GAB3: variants seen among roughly 807,000 people sequenced by gnomAD.
GAB3 encodes the protein GRB2-associated-binding protein 3.
Under a neutral mutation model 40.4 loss-of-function variants are expected in GAB3, and 12 were observed. The ratio of observed to expected loss-of-function variants is 0.30; its 90% confidence interval spans 0.19 to 0.48. The LOEUF (loss-of-function observed/expected upper bound fraction) is 0.48, where lower values mean the gene tolerates loss of function less well. Among genes scored for constraint, GAB3 ranks in the 20% least tolerant of loss-of-function variants. The probability of loss-of-function intolerance (pLI) is 0.99; values close to 1 mark genes in which losing one functional copy is unlikely to be tolerated. For missense variants in GAB3, 381 were observed against 461.9 expected (o/e 0.82, Z 1.61); for synonymous variants, 154 against 176.7 (o/e 0.87, Z 1.02).
chrX:154,696,298 C>CAAAAA (rs35105330), intron 7 of GAB3, among the ~76,000 whole-genome samples: 2 of 40,136 alleles, frequency 5.0e-5, no homozygotes, highest in African/African-American at 9.6e-5. Context: ...TATCATTTAG[C>CAAAAA]AAAAAAAAAA....
chrX:154,683,122 C>T lies in GAB3; in HGVS notation c.1531-2874G>A, dbSNP rs782696947. Among the ~76,000 whole-genome samples, 8 of 112,350 alleles carry T rather than the reference C, an allele frequency of 7.1e-5. No individual in the cohort carries two copies. The South Asian group carries it at 1.8e-3, about 26-fold the overall frequency. ...AATCACTGACTGTTGCTTATACTTA[C>T]GAGCGAAAGACCAAAAAGCTAACGT... On this transcript the variant is annotated intron_variant, in intron 8 of 9. Transcript: ENST00000424127.
Position 154,712,419 on chromosome X carries a change from G to C in GAB3, c.879C>G (p.Ser293=), listed in dbSNP as rs2070965308. The C allele has an allele frequency of 8.3e-7, 1 of 1,209,783 alleles. No individual in the cohort carries two copies. The change falls in exon 4 of 10, where the codon TCC becomes TCG. Residue 293 remains serine (S), a synonymous_variant. Coordinates refer to ENST00000424127, the MANE Select transcript of GAB3 (RefSeq NM_001081573.3). ...CTAGTTCTTTTGCTCCACAGGGTAA[G>C]GAACCTTGATTTTTATCTACCTGAA... ...STIQVDKNQG[S]LPCGAKELDI...
At chrX:154,697,745 A>C (rs1326618007) in intron 6 of GAB3, among the ~76,000 whole-genome samples, 1 of 111,929 alleles carries the variant, frequency 8.9e-6, no homozygotes, top group Non-Finnish European at 1.9e-5. Context: ...CTTACCCTTC[A>C]CAGCACAGCC....
chrX:154,741,459 C>T (rs978205126), intron 1 of GAB3, among the ~76,000 whole-genome samples: 2 of 110,084 alleles, frequency 1.8e-5, no homozygotes, highest in Non-Finnish European at 3.8e-5. Context: ...GGGTGGATCA[C>T]GAGGTCAGGA....
upstream of GAB3, chrX:154,751,083 C>A: frequency 3.9e-6 from 3 of 768,017 alleles, no homozygotes; most frequent in South Asian, 6.3e-5. Context: ...AGAAGGAAGT[C>A]GGGCCAAGGA....
At chrX:154,704,358 A>C (rs1284732170) in intron 4 of GAB3, among the ~76,000 whole-genome samples, 1 of 111,487 alleles carries the variant, frequency 9.0e-6, no homozygotes, top group African/African-American at 3.3e-5. Flanking sequence ...GGGTGACTAT[A>C]GTCAATAATA....
chrX:154,689,434 G>A (rs2070515637), intron 8 of GAB3, among the ~76,000 whole-genome samples: 1 of 111,490 alleles, frequency 9.0e-6, no homozygotes. Flanking sequence ...GGCAGGAGAA[G>A]GAAATAAAGG....
chrX:154,683,623 A>G (rs1489738296), intron 8 of GAB3, among the ~76,000 whole-genome samples: 6 of 111,627 alleles, frequency 5.4e-5, no homozygotes, highest in African/African-American at 1.6e-4. Flanking sequence ...AGAACTACCT[A>G]CTGTGGACAA....
chrX:154,715,428 CAGAGAGAGAG>C (rs202010747), intron 2 of GAB3, among the ~76,000 whole-genome samples: 1 of 102,569 alleles, frequency 9.7e-6, no homozygotes, highest in African/African-American at 3.6e-5. Context: ...GTGCGTGTGG[CAGAGAGAGAG>C]AGAGAGAGAG....
At chrX:154,688,337 T>C (rs1296301144) in intron 8 of GAB3, among the ~76,000 whole-genome samples, 1 of 108,116 alleles carries the variant, frequency 9.2e-6, no homozygotes, top group Non-Finnish European at 1.9e-5. Flanking sequence ...TGGAGTGCAG[T>C]GGCATGATCT....
chrX:154,681,436 T>G (rs1201282504), intron 8 of GAB3, among the ~76,000 whole-genome samples: 5 of 38,623 alleles, frequency 1.3e-4, no homozygotes, highest in African/African-American at 2.3e-4. Context: ...GTTTTTTGGG[T>G]TTTTTTTTTT....
intron 1 of GAB3, among the ~76,000 whole-genome samples, 173 bp downstream of exon 1, chrX:154,750,781 C>T (rs1253993378): frequency 3.6e-5 from 4 of 111,842 alleles, no homozygotes; most frequent in Non-Finnish European, 7.6e-5. Flanking sequence ...AGCACAGCGG[C>T]GAAGCTGGCT....
intron 1 of GAB3, among the ~76,000 whole-genome samples, chrX:154,748,638 C>T (rs2071564175): frequency 8.9e-6 from 1 of 112,700 alleles, no homozygotes; most frequent in Non-Finnish European, 1.9e-5. Context: ...CCATTTGTAA[C>T]AGCAAACATT....
In GAB3 at chrX:154,712,657, A is replaced by G; in HGVS notation, c.641T>C (p.Leu214Ser). The change falls in exon 4 of 10, where the codon TTG becomes TCG. Residue 214 changes from leucine (L) to serine (S), a missense_variant. Transcript: ENST00000424127. ...AACATCATCAAATGAAGCCTGTTCCAATGAACGGTCTGAGTTTGACCAGCT... is the reference window on the plus strand; with the variant it reads ...AACATCATCAAATGAAGCCTGTTCCGATGAACGGTCTGAGTTTGACCAGCT... ...CDSWSNSDRS[L>S]EQASFDDVFV... 1 of 1,132,837 alleles carries G rather than the reference A, an allele frequency of 8.8e-7. No individual in the cohort carries two copies. The highest frequency in any genetic ancestry group is 1.2e-6 in the Non-Finnish European group (1 of 858,586). 93.4% of individuals were successfully genotyped at this position (1,132,837 alleles called of 1,213,427 possible).
At chrX:154,746,254 C>T (rs781845622) in intron 1 of GAB3, among the ~76,000 whole-genome samples, 2 of 111,320 alleles carry the variant, frequency 1.8e-5, no homozygotes, top group South Asian at 7.5e-4. Flanking sequence ...CAGCATTATG[C>T]TAATATCAAA....
chrX:154,720,279 C>G (rs1557258429), intron 1 of GAB3, among the ~76,000 whole-genome samples: 1 of 111,326 alleles, frequency 9.0e-6, no homozygotes, highest in African/African-American at 3.3e-5. Flanking sequence ...ACTAAATCAC[C>G]TAATGACACA....
chrX:154,712,231 T>C lies in GAB3; in HGVS notation c.1067A>G (p.Lys356Arg). ...GAATCTTAGGACCCAACACTTACCT[T>C]TCCAGGTTCTCATGTTGTCTAAACC... ...LSGLDNMRTWKADVEGQSLRH... is the reference protein window; with the variant it reads ...LSGLDNMRTWRADVEGQSLRH... The change falls in exon 4 of 10, where the codon AAA becomes AGA. Residue 356 changes from lysine to arginine, a missense_variant and splice_region_variant. By Grantham distance (26) the Lys-to-Arg change is conservative. Around this residue, in one of 2 missense-constraint regions of GAB3, gnomAD observed 364 missense variants for 421.0 expected, o/e 0.86. Coordinates refer to ENST00000424127, the MANE Select transcript of GAB3 (RefSeq NM_001081573.3). The C allele has an allele frequency of 1.7e-6, 2 of 1,176,981 alleles. No individual in the cohort carries two copies. The highest frequency in any genetic ancestry group is 2.3e-6 in the Non-Finnish European group (2 of 873,500).
At position 154,697,172 on chromosome X, in the gene GAB3, G is replaced by A. The variant is rs782586886; in HGVS notation, c.1387C>T (p.Arg463Trp). ...PLDLRNLSIIREHASLTRTRT... is the reference protein window; with the variant it reads ...PLDLRNLSIIWEHASLTRTRT... Reference sequence around the variant, plus strand: ...GTCCTGGTAAGAGATGCATGTTCCCGGATGATCGAGAGGTTTCTCAGGTCC... The same window carrying A: ...GTCCTGGTAAGAGATGCATGTTCCCAGATGATCGAGAGGTTTCTCAGGTCC... Residue 463 changes from arginine (R) to tryptophan (W), a missense_variant, in exon 7 of 10, where the codon CGG becomes TGG. By Grantham distance (101) the Arg-to-Trp change is moderately radical (BLOSUM62 -3). Around this residue, in one of 2 missense-constraint regions of GAB3, gnomAD observed 364 missense variants for 421.0 expected, o/e 0.86. Transcript: ENST00000424127. 9.8e-5 allele frequency: 117 copies of A among 1,196,146 alleles called. No individual in the cohort carries two copies. Among genetic ancestry groups the A allele is most frequent in the Middle Eastern group, 2.3e-4 (1 of 4,294 alleles).
intron 4 of GAB3, 126 bp downstream of exon 4, chrX:154,712,103 C>A (rs1303621902): frequency 8.3e-6 from 4 of 480,676 alleles, no homozygotes; most frequent in Non-Finnish European, 1.4e-5. Flanking sequence ...TACCAAGCTG[C>A]ACACATCAAG....
Sources: allele counts gnomAD v4.1 joint callset (sites outside exome capture counted in the v4.1 genomes callset), GRCh38; gene constraint gnomAD v4.1.1; regional missense constraint gnomAD v4.1.1; transcripts MANE v1.5; gene names NCBI Gene and HGNC (gene_info 2026-07-23, HGNC 2026-07-21).